GRIK2: variants seen among roughly 807,000 people sequenced by gnomAD.
GRIK2 encodes the protein glutamate ionotropic receptor kainate type subunit 2.
Under a neutral mutation model 100.3 loss-of-function variants are expected in GRIK2, and 32 were observed. The observed-to-expected ratio is 0.32, with a 90% CI of 0.24 to 0.43. The LOEUF (loss-of-function observed/expected upper bound fraction) is 0.43. Ranked by LOEUF, GRIK2 falls within the 20% of genes least tolerant of loss-of-function variation. GRIK2 has a pLI of 1.00. For missense variants in GRIK2, 843 were observed against 1,114.9 expected (o/e 0.76, Z 3.47); for synonymous variants, 417 against 389.4 (o/e 1.07, Z -0.83).
At chr6:101,557,020 T>TAA (rs200959813) in intron 2 of GRIK2, among the ~76,000 whole-genome samples, 12 of 151,832 alleles carry the variant, frequency 7.9e-5, no homozygotes, top group African/African-American at 2.4e-4. Flanking sequence ...TAAAGCTGTT[T>TAA]AAAAAAAAAC....
intron 16 of GRIK2, among the ~76,000 whole-genome samples, chr6:102,061,229 A>C (rs2114522558): frequency 6.6e-6 from 1 of 150,758 alleles, no homozygotes; most frequent in South Asian, 2.1e-4. Flanking sequence ...TAATTAAAAT[A>C]ATAGCTTAAT....
intron 2 of GRIK2, among the ~76,000 whole-genome samples, chr6:101,499,081 A>T (rs1029927647): frequency 2.6e-5 from 4 of 152,264 alleles, no homozygotes; most frequent in South Asian, 2.1e-4. Context: ...ATATGTAGAA[A>T]GCTGAAACTG....
At chr6:101,459,529 T>C (rs1482788327) in intron 2 of GRIK2, among the ~76,000 whole-genome samples, 9 of 152,158 alleles carry the variant, frequency 5.9e-5, no homozygotes, top group East Asian at 1.9e-4. Context: ...ACAGCTTACT[T>C]GGAAATGGTA....
intron 2 of GRIK2, among the ~76,000 whole-genome samples, chr6:101,443,973 C>T (rs1475990243): frequency 1.3e-5 from 2 of 151,930 alleles, no homozygotes; most frequent in African/African-American, 4.8e-5. Context: ...TAGCCTCTAC[C>T]TCCTGGGCTC....
chr6:101,606,421 T>C (rs1356650546), intron 2 of GRIK2, among the ~76,000 whole-genome samples: 1 of 151,980 alleles, frequency 6.6e-6, no homozygotes, highest in African/African-American at 2.4e-5. Context: ...TTGGAATCAT[T>C]GAGTATCTTT....
chr6:101,578,339 A>C (rs493632), intron 2 of GRIK2, among the ~76,000 whole-genome samples: 1 of 152,054 alleles, frequency 6.6e-6, no homozygotes, highest in African/African-American at 2.4e-5. Flanking sequence ...AACTCTGCCT[A>C]TGTATTTTCT....
At chr6:101,897,990 G>A (rs1029252602) in intron 12 of GRIK2, among the ~76,000 whole-genome samples, 1 of 151,666 alleles carries the variant, frequency 6.6e-6, no homozygotes, top group Admixed American at 6.6e-5. Context: ...GTCAGGTGAG[G>A]GACAATTGAG....
At chr6:101,581,305 TATAC>T (rs904500143) in intron 2 of GRIK2, among the ~76,000 whole-genome samples, 1 of 151,776 alleles carries the variant, frequency 6.6e-6, no homozygotes, top group Admixed American at 6.6e-5. Context: ...TGTGTGTGTA[TATAC>T]ATATGTATAT....
intron 15 of GRIK2, among the ~76,000 whole-genome samples, chr6:102,052,645 A>C (rs188561676): frequency 1.3e-5 from 2 of 152,326 alleles, no homozygotes; most frequent in Middle Eastern, 3.4e-3. Context: ...AGTTGGCAAT[A>C]ATATTATATT....
Position 101,399,263 on chromosome 6 carries a change from G to A in GRIK2, c.-15G>A, listed in dbSNP as rs771714520. 7.9e-7 allele frequency: 1 copy of A among 1,266,800 alleles called. No individual in the cohort carries two copies. Among genetic ancestry groups the A allele is most frequent in the South Asian group, 1.2e-5 (1 of 84,066 alleles). 78.5% of individuals were successfully genotyped at this position (1,266,800 alleles called of 1,614,324 possible). On this transcript the variant is annotated 5_prime_UTR_variant, in exon 2 of 17. Transcript: ENST00000369134. Reference sequence around the variant, plus strand: ...TCGGGGAAGTGGGTGCCGTGCGTGTGGGCACAGAAACACCATGAAGATTAT... The same window carrying A: ...TCGGGGAAGTGGGTGCCGTGCGTGTAGGCACAGAAACACCATGAAGATTAT...
intron 7 of GRIK2, among the ~76,000 whole-genome samples, chr6:101,751,437 T>A (rs1025647035): frequency 6.6e-6 from 1 of 152,112 alleles, no homozygotes; most frequent in Non-Finnish European, 1.5e-5. Flanking sequence ...ATCCGAGACA[T>A]CACATCATTT....
intron 14 of GRIK2, among the ~76,000 whole-genome samples, chr6:102,004,743 C>T (rs1795123940): frequency 6.6e-6 from 1 of 151,924 alleles, no homozygotes; most frequent in South Asian, 2.1e-4. Context: ...ATTTCAGCTC[C>T]TTAGAATCAG....
At chr6:101,711,818 G>T (rs1773716128) in intron 7 of GRIK2, among the ~76,000 whole-genome samples, 1 of 151,676 alleles carries the variant, frequency 6.6e-6, no homozygotes, top group African/African-American at 2.4e-5. Flanking sequence ...ACACAAATCA[G>T]CTACAATTGG....
At position 101,848,492 on chromosome 6, in the gene GRIK2, T is replaced by C. The variant is rs1265169039; in HGVS notation, c.1318-10795T>C. On this transcript the variant is annotated intron_variant, in intron 10 of 16. Coordinates refer to ENST00000369134, the MANE Select transcript of GRIK2 (RefSeq NM_021956.5). ...TACATAAAAACATTTGTTTCATGAATGTATTAATGACTAAATTGGTGGATG... is the reference window on the plus strand; with the variant it reads ...TACATAAAAACATTTGTTTCATGAACGTATTAATGACTAAATTGGTGGATG... Among the ~76,000 whole-genome samples the C allele has an allele frequency of 2.6e-5, 4 of 152,274 alleles. No homozygotes were observed. The East Asian group carries it at 5.8e-4, about 22-fold the overall frequency.
At chr6:101,619,897 T>C (rs1199646013) in intron 2 of GRIK2, among the ~76,000 whole-genome samples, 1 of 152,146 alleles carries the variant, frequency 6.6e-6, no homozygotes, top group Non-Finnish European at 1.5e-5. Flanking sequence ...TATCACTTGA[T>C]AGCTATGTGA....
At chr6:102,032,621 A>C (rs1450341746) in intron 14 of GRIK2, among the ~76,000 whole-genome samples, 1 of 151,282 alleles carries the variant, frequency 6.6e-6, no homozygotes, top group East Asian at 2.0e-4. Context: ...TTCATATCCA[A>C]GGTAGCATCT....
At chr6:101,740,170 G>T (rs1775930020) in intron 7 of GRIK2, among the ~76,000 whole-genome samples, 1 of 152,156 alleles carries the variant, frequency 6.6e-6, no homozygotes, top group Non-Finnish European at 1.5e-5. Flanking sequence ...AATCTGCTGT[G>T]GCTGTATAGT....
At chr6:101,597,588 T>C (rs2128308661) in intron 2 of GRIK2, among the ~76,000 whole-genome samples, 1 of 151,906 alleles carries the variant, frequency 6.6e-6, no homozygotes. Flanking sequence ...TTCAATGCTC[T>C]ATTCTCTGAC....
intron 4 of GRIK2, among the ~76,000 whole-genome samples, chr6:101,639,309 C>A (rs1781173733): frequency 6.6e-6 from 1 of 152,164 alleles, no homozygotes; most frequent in Non-Finnish European, 1.5e-5. Context: ...GCTGGGATTA[C>A]AGGCGTGAGC....
Sources: allele counts gnomAD v4.1 joint callset (sites outside exome capture counted in the v4.1 genomes callset), GRCh38; gene constraint gnomAD v4.1.1; transcripts MANE v1.5; gene names NCBI Gene and HGNC (gene_info 2026-07-23, HGNC 2026-07-21).